The following GAS2 variants were observed in gnomAD, a reference collection of about 807,000 sequenced individuals.
GAS2 encodes the protein growth arrest specific 2, also known as growth arrest-specific protein 2.
GAS2 carries 20 observed loss-of-function variants against 37.5 expected under a neutral mutation model. That is an observed-to-expected ratio of 0.53 (90% CI 0.37 to 0.77). GAS2 has a LOEUF of 0.77. Ranked by LOEUF, GAS2 falls within the 30% of genes least tolerant of loss-of-function variation. The pLI is 0.00. For missense variants in GAS2, 336 were observed against 373.4 expected (o/e 0.90, Z 0.82); for synonymous variants, 144 against 132.2 (o/e 1.09, Z -0.61).
chr11:22,736,554 A>T (rs1367250547), intron 4 of GAS2, among the ~76,000 whole-genome samples: 1 of 152,062 alleles, frequency 6.6e-6, no homozygotes, highest in East Asian at 1.9e-4. Context: ...AAAAGTGTTT[A>T]TTCTATTTAC....
At chr11:22,759,911 A>G (rs1854279272) in intron 7 of GAS2, among the ~76,000 whole-genome samples, 1 of 152,188 alleles carries the variant, frequency 6.6e-6, no homozygotes, top group Non-Finnish European at 1.5e-5. Context: ...GCCTGTAAAA[A>G]GGGACTTCAG....
At chr11:22,681,065 A>G (rs4536210) in intron 2 of GAS2, among the ~76,000 whole-genome samples, 83,263 of 152,090 alleles carry the variant, frequency 0.55, 25,286 homozygotes, top group East Asian at 0.76. Context: ...CAACTGTTAA[A>G]TATGATTATT....
At chr11:22,740,317 C>T (rs1853005592) in intron 5 of GAS2, among the ~76,000 whole-genome samples, 1 of 152,146 alleles carries the variant, frequency 6.6e-6, no homozygotes, top group African/African-American at 2.4e-5. Context: ...AGTGATTATT[C>T]ACATTACCAA....
chr11:22,657,856 C>G, intron 1 of GAS2, among the ~76,000 whole-genome samples: 1 of 152,174 alleles, frequency 6.6e-6, no homozygotes, highest in East Asian at 1.9e-4. Flanking sequence ...ATTTACTTCA[C>G]AATTTAGTAA....
In GAS2 at chr11:22,812,264, T is replaced by C. The variant is rs1183364219; in HGVS notation, c.*248T>C. ...TTTTAGGCAAATTATTATTTCTCAA[T>C]ATGCGAACACAGTATTTAGAACACA... On this transcript the variant is annotated 3_prime_UTR_variant, in exon 8 of 8. Coordinates refer to ENST00000454584, the MANE Select transcript of GAS2 (RefSeq NM_001143830.3). 2.3e-6 allele frequency: 1 copy of C among 439,514 alleles called. No individual in the cohort carries two copies. The highest frequency in any genetic ancestry group is 4.1e-6 in the Non-Finnish European group (1 of 243,204). 27.2% of individuals were successfully genotyped at this position (439,514 alleles called of 1,614,324 possible).
At chr11:22,784,584 A>G (rs781361044) in intron 7 of GAS2, among the ~76,000 whole-genome samples, 10 of 152,154 alleles carry the variant, frequency 6.6e-5, no homozygotes, top group Non-Finnish European at 1.0e-4. Flanking sequence ...CATTGCTCAC[A>G]ATGTAAATGG....
intron 1 of GAS2, among the ~76,000 whole-genome samples, chr11:22,651,987 G>A (rs1169771362): frequency 6.6e-6 from 1 of 152,216 alleles, no homozygotes; most frequent in African/African-American, 2.4e-5. Context: ...TGGAGGAGGA[G>A]AGGTGCTCTG....
chr11:22,795,245 A>G (rs141816249), intron 7 of GAS2, among the ~76,000 whole-genome samples: 136 of 152,308 alleles, frequency 8.9e-4, no homozygotes, highest in African/African-American at 2.6e-3. Flanking sequence ...CTGGATTCCA[A>G]TTTGACTGTG....
At chr11:22,639,255 A>G (rs1858880264) in intron 1 of GAS2, among the ~76,000 whole-genome samples, 1 of 152,210 alleles carries the variant, frequency 6.6e-6, no homozygotes, top group South Asian at 2.1e-4. Context: ...CTTTGTCCTC[A>G]TATGATATTG....
At chr11:22,685,883 G>A (rs1434829256) in intron 3 of GAS2, 94 bp downstream of exon 3, 6 of 1,249,960 alleles carry the variant, frequency 4.8e-6, no homozygotes, top group South Asian at 3.2e-5. Context: ...TATTGTGAAC[G>A]GATGCATCAA....
At chr11:22,713,962 C>CA in intron 3 of GAS2, among the ~76,000 whole-genome samples, 1 of 151,862 alleles carries the variant, frequency 6.6e-6, no homozygotes, top group South Asian at 2.1e-4. Flanking sequence ...AACAATAACA[C>CA]AATGAGAAAA....
chr11:22,738,336 A>G (rs7112776), intron 5 of GAS2, among the ~76,000 whole-genome samples: 27,309 of 152,096 alleles, frequency 0.18, 2,639 homozygotes, highest in East Asian at 0.37. Context: ...TAGGAAGGAA[A>G]AACAAGAATT....
chr11:22,654,019 G>A (rs1052451209), intron 1 of GAS2, among the ~76,000 whole-genome samples: 21 of 152,152 alleles, frequency 1.4e-4, no homozygotes, highest in African/African-American at 5.1e-4. Context: ...GAATGACAAA[G>A]CCCCCAAATT....
At chr11:22,775,374 G>A (rs1855206842) in intron 7 of GAS2, among the ~76,000 whole-genome samples, 2 of 152,148 alleles carry the variant, frequency 1.3e-5, no homozygotes, top group Admixed American at 1.3e-4. Flanking sequence ...TCTACTGTGT[G>A]AGGCTATCTT....
At chr11:22,658,923 G>A (rs1236366636) in intron 1 of GAS2, among the ~76,000 whole-genome samples, 1 of 152,202 alleles carries the variant, frequency 6.6e-6, no homozygotes, top group Non-Finnish European at 1.5e-5. Flanking sequence ...TGAGATTAGT[G>A]TGTTTTTGGT....
chr11:22,799,858 G>A (rs1044762837), intron 7 of GAS2, among the ~76,000 whole-genome samples: 5 of 151,958 alleles, frequency 3.3e-5, no homozygotes. Context: ...ACTGTGCTAG[G>A]CACCCAGGGT....
At chr11:22,754,076 C>G (rs1006130086) in intron 6 of GAS2, among the ~76,000 whole-genome samples, 2 of 152,002 alleles carry the variant, frequency 1.3e-5, no homozygotes, top group African/African-American at 4.8e-5. Flanking sequence ...TATAATATGA[C>G]AGAACAAACT....
intron 7 of GAS2, among the ~76,000 whole-genome samples, chr11:22,810,997 C>T (rs1345634727): frequency 1.3e-5 from 2 of 152,036 alleles, no homozygotes; most frequent in East Asian, 3.8e-4. Context: ...GATGATCATG[C>T]AACATTACCT....
At chr11:22,759,131 A>G (rs753265149) in intron 7 of GAS2, among the ~76,000 whole-genome samples, 2 of 152,164 alleles carry the variant, frequency 1.3e-5, no homozygotes, top group Non-Finnish European at 2.9e-5. Context: ...AAACAGATAC[A>G]GTAACAACAA....
Sources: allele counts gnomAD v4.1 joint callset (sites outside exome capture counted in the v4.1 genomes callset), GRCh38; gene constraint gnomAD v4.1.1; transcripts MANE v1.5; gene names NCBI Gene and HGNC (gene_info 2026-07-23, HGNC 2026-07-21).